HERC2: variants seen among roughly 807,000 people sequenced by gnomAD.
The protein encoded by HERC2 is HECT and RLD domain containing E3 ubiquitin protein ligase 2.
In HERC2, 102 loss-of-function variants were observed where a neutral mutation model predicts 537.7. The observed-to-expected ratio is 0.19, with a 90% CI of 0.16 to 0.22. The LOEUF (loss-of-function observed/expected upper bound fraction) is 0.22, where lower values mean the gene tolerates loss of function less well. Among genes scored for constraint, HERC2 ranks in the 10% least tolerant of loss-of-function variants. The pLI, the probability that HERC2 is intolerant of heterozygous loss-of-function variation, is 1.00. For missense variants in HERC2, 4,236 were observed against 6,198.2 expected (o/e 0.68, Z 10.63); for synonymous variants, 2,224 against 2,466.2 (o/e 0.90, Z 2.91).
rs536115809 is a variant in HERC2, at chr15:28,144,873, C to T, written c.11009-69G>A. 79 of 1,598,322 alleles carry T rather than the reference C, an allele frequency of 4.9e-5. 1 individual carries two copies. The highest frequency in any genetic ancestry group is 1.7e-4 in the Middle Eastern group (1 of 6,042). On this transcript the variant is annotated intron_variant, in intron 71 of 92. Transcript: ENST00000261609. ...TCCAATCAACACAAACCTTCTTAGA[C>T]GCAAAGCAGAATGATTTCCGTCACG...
At chr15:28,138,131 G>A (rs1890836406) in intron 78 of HERC2, among the ~76,000 whole-genome samples, 1 of 152,200 alleles carries the variant, frequency 6.6e-6, no homozygotes, top group Non-Finnish European at 1.5e-5. Flanking sequence ...ACAGAGATTG[G>A]TTCCTGAGGT....
rs563340774 is a variant in HERC2, at chr15:28,150,811, A to G, written c.10900+1866T>C. Among the ~76,000 whole-genome samples, 5 of 152,252 alleles carry G rather than the reference A, an allele frequency of 3.3e-5. No homozygotes were observed. The South Asian group carries it at 1.0e-3, about 32-fold the overall frequency. Reference sequence around the variant, plus strand: ...AACACACGTGACTTCTAAGGGGAAAAGATGTTATCATTATCATACTTTCAC... The same window carrying G: ...AACACACGTGACTTCTAAGGGGAAAGGATGTTATCATTATCATACTTTCAC... On this transcript the variant is annotated intron_variant, in intron 70 of 92. Transcript: ENST00000261609.
intron 2 of HERC2, among the ~76,000 whole-genome samples, chr15:28,303,418 T>G (rs2076689559): frequency 6.6e-6 from 1 of 152,134 alleles, no homozygotes; most frequent in Admixed American, 6.6e-5. Flanking sequence ...CTAGTAAACT[T>G]TGCACTTGAT....
chr15:28,201,701 C>CTTCATT, intron 47 of HERC2, 147 bp from the exon 48 acceptor site: 1 of 643,210 alleles, frequency 1.6e-6, no homozygotes, highest in South Asian at 2.0e-5. Flanking sequence ...TTAAAAAAGA[C>CTTCATT]TAATAGCAGT....
rs1459660823 is a variant in HERC2, at chr15:28,220,457, T to C, written c.5840A>G (p.Asp1947Gly). 3.7e-6 allele frequency: 6 copies of C among 1,606,682 alleles called. No individual in the cohort carries two copies. Among genetic ancestry groups the C allele is most frequent in the Non-Finnish European group, 5.1e-6 (6 of 1,179,722 alleles). The change falls in exon 37 of 93, where the codon GAC (aspartate) becomes GGC (glycine). Residue 1947 changes from aspartate (D) to glycine (G), a missense_variant. Coordinates refer to ENST00000261609, the MANE Select transcript of HERC2 (RefSeq NM_004667.6). ...PSAEDSDTED[D>G]SEAEQTERNI... ...CACCTTCCTGAGTCACCCACCAGAGTCATCCTCTGTGTCCGAATCCTCTGC... is the reference window on the plus strand; with the variant it reads ...CACCTTCCTGAGTCACCCACCAGAGCCATCCTCTGTGTCCGAATCCTCTGC...
chr15:28,306,135 G>C (rs552078772), intron 2 of HERC2, among the ~76,000 whole-genome samples: 3 of 152,182 alleles, frequency 2.0e-5, no homozygotes, highest in Non-Finnish European at 2.9e-5. Flanking sequence ...GTGGGCATCC[G>C]TGTCTTGTTC....
rs1168038967 is a variant in HERC2, at chr15:28,319,584, CAA to C, written c.72+1776_72+1777del. Among the ~76,000 whole-genome samples the C allele has an allele frequency of 6.1e-3, 357 of 58,258 alleles. 1 individual carries two copies. Among genetic ancestry groups the C allele is most frequent in the African/African-American group, 0.018 (342 of 18,744 alleles). The allele number at this position is 58,258 out of a possible 152,430, so 38.2% of individuals were successfully genotyped here. On this transcript the variant is annotated intron_variant, in intron 2 of 92. Coordinates refer to ENST00000261609, the MANE Select transcript of HERC2 (RefSeq NM_004667.6). ...TGGGCGACAGAGCAAGACTGCGTCTCAAAAAAAAAAAAAAAAAAAAAAAGACT... is the reference window on the plus strand; with the variant it reads ...TGGGCGACAGAGCAAGACTGCGTCTCAAAAAAAAAAAAAAAAAAAAAGACT...
At position 28,177,229 on chromosome 15, in the gene HERC2, C is replaced by T; in HGVS notation, c.9255-102G>A. 1 of 1,292,814 alleles carries T rather than the reference C, an allele frequency of 7.7e-7. No homozygotes were observed. The highest frequency in any genetic ancestry group is 1.5e-5 in the African/African-American group (1 of 67,742). 80.1% of individuals were successfully genotyped at this position (1,292,814 alleles called of 1,614,324 possible). Reference sequence around the variant, plus strand: ...GATCCACATGTAGTCAACACAGGATCCACAGATCAACTATCAAAACTTAAA... The same window carrying T: ...GATCCACATGTAGTCAACACAGGATTCACAGATCAACTATCAAAACTTAAA... On this transcript the variant is annotated intron_variant, in intron 60 of 92. Transcript: ENST00000261609. The surrounding 1 kb of genome is among the most constrained non-coding windows in gnomAD (Gnocchi z 5.0).
chr15:28,186,898 CAA>C (rs1258046046), intron 55 of HERC2, 146 bp from the exon 56 acceptor site: 4 of 529,944 alleles, frequency 7.5e-6, no homozygotes, highest in Non-Finnish European at 1.3e-5. Flanking sequence ...CTGAGTTACT[CAA>C]AGTTAATGCA....
intron 50 of HERC2, among the ~76,000 whole-genome samples, chr15:28,197,198 G>A (rs1156534278): frequency 6.6e-6 from 1 of 152,166 alleles, no homozygotes; most frequent in Non-Finnish European, 1.5e-5. Flanking sequence ...TTTTCTAAGC[G>A]ATCTGATGAA....
intron 26 of HERC2, among the ~76,000 whole-genome samples, chr15:28,236,582 CCTGG>C (rs1373058026): frequency 1.3e-5 from 2 of 151,444 alleles, no homozygotes; most frequent in African/African-American, 4.9e-5. Context: ...TGAGCCACTG[CCTGG>C]CTATCTCCTA....
chr15:28,173,978 T>C (rs1166268789), intron 65 of HERC2, among the ~76,000 whole-genome samples: 3 of 151,962 alleles, frequency 2.0e-5, no homozygotes, highest in African/African-American at 7.3e-5. Flanking sequence ...TCTTTGATTG[T>C]GCTGATGCTT....
At chr15:28,152,197 T>G (rs1473139206) in intron 70 of HERC2, among the ~76,000 whole-genome samples, 1 of 152,234 alleles carries the variant, frequency 6.6e-6, no homozygotes, top group African/African-American at 2.4e-5. Flanking sequence ...ACGTGTCCAG[T>G]CAGCAGATCC....
In HERC2 at chr15:28,220,530, T is replaced by C. The variant is rs766553462; in HGVS notation, c.5767A>G (p.Lys1923Glu). The C allele has an allele frequency of 6.2e-7, 1 of 1,601,446 alleles. No homozygotes were observed. Among genetic ancestry groups the C allele is most frequent in the South Asian group, 1.1e-5 (1 of 90,994 alleles). ...AGCTCTGCCAGCTTGAGGTCGTATT[T>C]TCCTTCTTTCCCCATCCTGTAGGAG... ...TNSYRMGKEG[K>E]YDLKLAELPA... Residue 1923 changes from lysine (K) to glutamate (E), a missense_variant, in exon 37 of 93, where the codon AAA (lysine) becomes GAA (glutamate). By Grantham distance (56) the Lys-to-Glu change is moderately conservative. Around this residue, in one of 27 missense-constraint regions of HERC2, gnomAD observed 365 missense variants for 468.8 expected, o/e 0.78. Coordinates refer to ENST00000261609, the MANE Select transcript of HERC2 (RefSeq NM_004667.6).
rs1330623760 is a variant in HERC2 at position 28,198,367 on chromosome 15, G to A, written c.8011+11C>T. 4 of 1,609,144 alleles carry A rather than the reference G, an allele frequency of 2.5e-6. No homozygotes were observed. The highest frequency in any genetic ancestry group is 2.2e-5 in the East Asian group (1 of 44,876). On this transcript the variant is annotated intron_variant, in intron 50 of 92. Coordinates refer to ENST00000261609, the MANE Select transcript of HERC2 (RefSeq NM_004667.6). ...TTAACATCAGGAATTTTATTACCCA[G>A]ATAATATTACCTTTCACAACCCCCA...
chr15:28,209,172 T>G (rs1231784857), intron 44 of HERC2, among the ~76,000 whole-genome samples: 2 of 152,158 alleles, frequency 1.3e-5, no homozygotes, highest in African/African-American at 4.8e-5. Context: ...CTTATCATTT[T>G]CATATTTCCA....
At chr15:28,313,209 T>TTTTC (rs1555460093) in intron 2 of HERC2, among the ~76,000 whole-genome samples, 1 of 143,186 alleles carries the variant, frequency 7.0e-6, no homozygotes, top group African/African-American at 2.7e-5. Flanking sequence ...TTTTTTTTTT[T>TTTTC]TTGAGACAGA....
chr15:28,125,330 AT>A, intron 83 of HERC2, 137 bp from the exon 84 acceptor site: 1 of 709,640 alleles, frequency 1.4e-6, no homozygotes. Flanking sequence ...AACTTTACAT[AT>A]GACCTAGACA....
chr15:28,129,804 G>A (rs1889914675), intron 83 of HERC2, among the ~76,000 whole-genome samples: 1 of 129,996 alleles, frequency 7.7e-6, no homozygotes, highest in African/African-American at 2.8e-5. Context: ...TTTTGAGACA[G>A]TCTTGCTCTG....
Sources: gnomAD v4.1 joint callset for allele counts (sites outside exome capture counted in the v4.1 genomes callset) on GRCh38, gnomAD v4.1.1 for gene constraint, gnomAD v4.1.1 regional missense constraint, Gnocchi (gnomAD v3.1) non-coding constraint, MANE v1.5 for transcripts, NCBI Gene and HGNC (gene_info 2026-07-23, HGNC 2026-07-21) for gene names.